FUT8: variants seen among roughly 807,000 people sequenced by gnomAD.
FUT8 encodes fucosyltransferase 8, also known as alpha-(1,6)-fucosyltransferase.
Under a neutral mutation model 71.3 loss-of-function variants are expected in FUT8, and 29 were observed. That is an observed-to-expected ratio of 0.41 (90% confidence interval 0.30 to 0.55). FUT8 has a LOEUF of 0.55. FUT8 is among the 20% of genes least tolerant of loss of function. The pLI, the probability that FUT8 is intolerant of heterozygous loss-of-function variation, is 0.34. For missense variants in FUT8, 544 were observed against 702.1 expected (o/e 0.77, Z 2.55); for synonymous variants, 254 against 239.3 (o/e 1.06, Z -0.57).
At chr14:65,679,171 G>A (rs765584286) in intron 7 of FUT8, among the ~76,000 whole-genome samples, 3 of 152,178 alleles carry the variant, frequency 2.0e-5, no homozygotes, top group Non-Finnish European at 4.4e-5. Flanking sequence ...AAGTGTAGGA[G>A]TTGGGGAGTA....
chr14:65,380,729 A>G, the FUT8 span, among the ~76,000 whole-genome samples: 1 of 152,082 alleles, frequency 6.6e-6, no homozygotes, highest in African/African-American at 2.4e-5. Context: ...GCTACCCCCA[A>G]TCTCAACTTG....
At chr14:65,689,693 C>T (rs540406435) in intron 7 of FUT8, among the ~76,000 whole-genome samples, 120 of 152,288 alleles carry the variant, frequency 7.9e-4, no homozygotes, top group Non-Finnish European at 1.6e-3. Context: ...CACATGCCAC[C>T]GTGCCTGGCT....
chr14:65,358,119 T>C, the FUT8 span, among the ~76,000 whole-genome samples: 3 of 152,214 alleles, frequency 2.0e-5, no homozygotes, highest in African/African-American at 4.8e-5. Flanking sequence ...TAGTGTTCCA[T>C]TACATGGTAG....
At chr14:65,367,709 C>T in the FUT8 span, among the ~76,000 whole-genome samples, 5 of 152,130 alleles carry the variant, frequency 3.3e-5, no homozygotes, top group Non-Finnish European at 7.3e-5. Flanking sequence ...ACAGGGAATT[C>T]GATTCAGAAC....
chr14:65,398,801 G>A, the FUT8 span, among the ~76,000 whole-genome samples: 2 of 151,936 alleles, frequency 1.3e-5, no homozygotes, highest in Admixed American at 6.6e-5. Context: ...GTGTAAAAAT[G>A]TTCTTGTTTC....
chr14:65,671,328 C>T (rs1892467948), intron 7 of FUT8, among the ~76,000 whole-genome samples: 1 of 152,102 alleles, frequency 6.6e-6, no homozygotes, highest in Non-Finnish European at 1.5e-5. Context: ...ATTTTGTAGT[C>T]GGTAGTGGCA....
At chr14:65,490,462 G>C (rs2066466450) in intron 2 of FUT8, among the ~76,000 whole-genome samples, 1 of 151,972 alleles carries the variant, frequency 6.6e-6, no homozygotes, top group African/African-American at 2.4e-5. Flanking sequence ...CTACTGAGAA[G>C]GGTAATAGTT....
At chr14:65,600,699 A>G (rs941602176) in intron 3 of FUT8, among the ~76,000 whole-genome samples, 4 of 152,188 alleles carry the variant, frequency 2.6e-5, no homozygotes, top group Non-Finnish European at 4.4e-5. Context: ...ACCTTAAAAA[A>G]TTTATTCACA....
At chr14:65,700,549 C>T (rs1372907750) in intron 7 of FUT8, among the ~76,000 whole-genome samples, 1 of 151,924 alleles carries the variant, frequency 6.6e-6, no homozygotes, top group East Asian at 1.9e-4. Flanking sequence ...CGCCACCACA[C>T]CTGGCTAGTT....
intron 7 of FUT8, among the ~76,000 whole-genome samples, chr14:65,677,151 T>TGTGTGTGTGTGCGC: frequency 0.029 from 3,251 of 110,552 alleles, 96 homozygotes; most frequent in Non-Finnish European, 0.04. Context: ...TGTGTGTGTG[T>TGTGTGTGTGTGCGC]GCGCGCGCGC....
At chr14:65,559,069 T>G (rs763035097) in intron 2 of FUT8, among the ~76,000 whole-genome samples, 14 of 152,192 alleles carry the variant, frequency 9.2e-5, no homozygotes, top group Non-Finnish European at 2.1e-4. Flanking sequence ...CTGTAAACTT[T>G]TGTTACTATT....
intron 1 of FUT8, among the ~76,000 whole-genome samples, chr14:65,437,574 A>C (rs964554916): frequency 6.6e-6 from 1 of 152,200 alleles, no homozygotes; most frequent in Non-Finnish European, 1.5e-5. Flanking sequence ...GTAGAAATGC[A>C]ATTTACTGTT....
At chr14:65,416,192 A>G (rs2065216646) in intron 1 of FUT8, among the ~76,000 whole-genome samples, 2 of 152,246 alleles carry the variant, frequency 1.3e-5, no homozygotes, top group African/African-American at 4.8e-5. Flanking sequence ...ATTGATAAAT[A>G]TAAAAGAAAG....
At chr14:65,605,898 A>G (rs1377810512) in intron 3 of FUT8, among the ~76,000 whole-genome samples, 1 of 151,712 alleles carries the variant, frequency 6.6e-6, no homozygotes, top group Non-Finnish European at 1.5e-5. Context: ...TCTTCTATGA[A>G]CTGCTAGTTC....
At position 65,542,151 on chromosome 14, in the gene FUT8, T is replaced by C. The variant is rs377241087; in HGVS notation, c.-227-19186T>C. 1.2e-4 allele frequency among the ~76,000 whole-genome samples: 19 copies of C among 152,352 alleles called. 3 individuals are homozygous for C. The highest frequency in any genetic ancestry group is 4.3e-4 in the African/African-American group (18 of 41,588). Reference sequence around the variant, plus strand: ...AAAGGGCCTTGCATTCAGGAAACACTATATAAATGTAATCGTTATTATTAT... The same window carrying C: ...AAAGGGCCTTGCATTCAGGAAACACCATATAAATGTAATCGTTATTATTAT... On this transcript the variant is annotated intron_variant, in intron 2 of 10. Transcript: ENST00000673929.
intron 2 of FUT8, among the ~76,000 whole-genome samples, chr14:65,480,978 C>T (rs1429541268): frequency 6.6e-6 from 1 of 152,138 alleles, no homozygotes; most frequent in Non-Finnish European, 1.5e-5. Flanking sequence ...GCATGACCAT[C>T]GTTTTCAGCC....
the FUT8 span, among the ~76,000 whole-genome samples, chr14:65,374,271 T>C: frequency 6.6e-6 from 1 of 152,252 alleles, no homozygotes; most frequent in Non-Finnish European, 1.5e-5. Flanking sequence ...TCTGCCATGT[T>C]TCACTGGACA....
At chr14:65,501,677 G>A (rs1364676150) in intron 2 of FUT8, among the ~76,000 whole-genome samples, 1 of 152,112 alleles carries the variant, frequency 6.6e-6, no homozygotes, top group Non-Finnish European at 1.5e-5. Flanking sequence ...GGTAGATTTG[G>A]ATCTGAGAGA....
intron 5 of FUT8, among the ~76,000 whole-genome samples, chr14:65,619,414 C>T (rs1371633520): frequency 6.6e-6 from 1 of 152,130 alleles, no homozygotes; most frequent in East Asian, 1.9e-4. Context: ...GAATCTGGCT[C>T]CTGTTGTTCA....
Sources: gnomAD v4.1 joint callset for allele counts (sites outside exome capture counted in the v4.1 genomes callset) on GRCh38, gnomAD v4.1.1 for gene constraint, MANE v1.5 for transcripts, NCBI Gene and HGNC (gene_info 2026-07-23, HGNC 2026-07-21) for gene names.